XPR1: variants seen among roughly 807,000 people sequenced by gnomAD.
The protein encoded by XPR1 is solute carrier family 53 member 1.
In XPR1, 28 loss-of-function variants were observed where a neutral mutation model predicts 87.5. That is an observed-to-expected ratio of 0.32 (90% CI 0.24 to 0.44). The LOEUF (loss-of-function observed/expected upper bound fraction) is 0.44, where lower values mean the gene tolerates loss of function less well. Ranked by LOEUF, XPR1 falls within the 20% of genes least tolerant of loss-of-function variation. XPR1 has a pLI of 1.00. For missense variants in XPR1, 559 were observed against 862.3 expected (o/e 0.65, Z 4.41); for synonymous variants, 300 against 306.1 (o/e 0.98, Z 0.21).
At chr1:180,711,478 G>A (rs566956448) in intron 2 of XPR1, among the ~76,000 whole-genome samples, 19 of 152,316 alleles carry the variant, frequency 1.2e-4, no homozygotes, top group Admixed American at 5.9e-4. Context: ...GTCAGGCATC[G>A]CGGCGCGCGC....
intron 1 of XPR1, among the ~76,000 whole-genome samples, chr1:180,657,757 T>G (rs996618975): frequency 6.6e-6 from 1 of 152,208 alleles, no homozygotes; most frequent in Non-Finnish European, 1.5e-5. Flanking sequence ...TCAGGATTGC[T>G]TTGGCTATTC....
intron 7 of XPR1, among the ~76,000 whole-genome samples, chr1:180,822,524 G>T (rs924824938): frequency 1.3e-5 from 2 of 152,168 alleles, no homozygotes; most frequent in African/African-American, 4.8e-5. Context: ...CTGAAGATAG[G>T]TATTTTGTCC....
chr1:180,790,398 C>T (rs1649326991), intron 3 of XPR1, among the ~76,000 whole-genome samples: 1 of 152,076 alleles, frequency 6.6e-6, no homozygotes. Flanking sequence ...TTTATATCCT[C>T]CCCCTCATCT....
intron 11 of XPR1, among the ~76,000 whole-genome samples, chr1:180,839,220 T>C (rs2102173982): frequency 6.6e-6 from 1 of 152,284 alleles, no homozygotes; most frequent in African/African-American, 2.4e-5. Flanking sequence ...TTTTTAGTAA[T>C]GAAATTTTCT....
intron 9 of XPR1, among the ~76,000 whole-genome samples, chr1:180,831,908 A>T (rs530310037): frequency 1.3e-5 from 2 of 152,182 alleles, no homozygotes; most frequent in South Asian, 2.1e-4. Flanking sequence ...TTGGGTGTAT[A>T]CCCAGTAATG....
chr1:180,677,911 A>C (rs1656421725), intron 1 of XPR1, among the ~76,000 whole-genome samples: 1 of 152,136 alleles, frequency 6.6e-6, no homozygotes, highest in Non-Finnish European at 1.5e-5. Flanking sequence ...GTACTGTAAT[A>C]ATTTTCTCAG....
At chr1:180,704,455 T>C (rs1657482382) in intron 2 of XPR1, among the ~76,000 whole-genome samples, 1 of 151,280 alleles carries the variant, frequency 6.6e-6, no homozygotes, top group East Asian at 1.9e-4. Flanking sequence ...ACAGATTGTA[T>C]AGGAAAGATA....
intron 2 of XPR1, among the ~76,000 whole-genome samples, chr1:180,714,269 T>C (rs1657904642): frequency 6.6e-6 from 1 of 152,112 alleles, no homozygotes; most frequent in African/African-American, 2.4e-5. Context: ...TCTAGCATCA[T>C]CATTATCAGT....
chr1:180,849,631 A>G (rs191551774), intron 11 of XPR1, among the ~76,000 whole-genome samples: 6 of 152,330 alleles, frequency 3.9e-5, no homozygotes, highest in Admixed American at 2.0e-4. Context: ...TTTGAATACT[A>G]CTTCCTCCTA....
intron 9 of XPR1, among the ~76,000 whole-genome samples, chr1:180,825,775 G>A (rs1008038116): frequency 2.6e-5 from 4 of 152,202 alleles, no homozygotes; most frequent in African/African-American, 9.7e-5. Context: ...TTTGGGCTGG[G>A]CGCGGTGGCT....
At chr1:180,879,399 T>C (rs1489076163) in intron 13 of XPR1, among the ~76,000 whole-genome samples, 1 of 152,240 alleles carries the variant, frequency 6.6e-6, no homozygotes, top group African/African-American at 2.4e-5. Context: ...CTATGGGTTA[T>C]AAGGCCCTCT....
intron 2 of XPR1, among the ~76,000 whole-genome samples, chr1:180,732,824 G>C (rs938272976): frequency 6.6e-6 from 1 of 152,216 alleles, no homozygotes; most frequent in Non-Finnish European, 1.5e-5. Flanking sequence ...TTCTTACCTT[G>C]GTGTACAGGA....
intron 2 of XPR1, among the ~76,000 whole-genome samples, chr1:180,754,760 C>A (rs765564184): frequency 4.6e-5 from 7 of 152,108 alleles, no homozygotes; most frequent in Non-Finnish European, 7.4e-5. Flanking sequence ...TCGGGCCCGG[C>A]CTCCTTTCTT....
chr1:180,682,288 GT>G, intron 1 of XPR1, 71 bp from the exon 2 acceptor site: 1 of 1,256,830 alleles, frequency 8.0e-7, no homozygotes, highest in South Asian at 1.5e-5. Context: ...AAAAAGAACT[GT>G]TTAGCTTCAG....
chr1:180,747,259 G>A (rs1044066576), intron 2 of XPR1, among the ~76,000 whole-genome samples: 2 of 152,060 alleles, frequency 1.3e-5, no homozygotes, highest in African/African-American at 2.4e-5. Context: ...AGCTTCATAC[G>A]GTTATTGTAG....
intron 2 of XPR1, among the ~76,000 whole-genome samples, chr1:180,731,334 C>T (rs768165083): frequency 1.3e-5 from 2 of 152,120 alleles, no homozygotes; most frequent in Admixed American, 1.3e-4. Flanking sequence ...TCAGGTGCTG[C>T]GGCCGAGGGG....
chr1:180,862,584 A>G (rs1351342642), intron 11 of XPR1, among the ~76,000 whole-genome samples: 1 of 152,064 alleles, frequency 6.6e-6, no homozygotes, highest in Non-Finnish European at 1.5e-5. Context: ...CTTTGTTTAT[A>G]CTTCATTTTG....
At chr1:180,665,428 A>G (rs1291717647) in intron 1 of XPR1, among the ~76,000 whole-genome samples, 1 of 152,168 alleles carries the variant, frequency 6.6e-6, no homozygotes, top group Non-Finnish European at 1.5e-5. Flanking sequence ...GCCAAAGACC[A>G]TTACTGGTCC....
In XPR1 at chr1:180,887,995, T is replaced by C. The variant is rs985888503; in HGVS notation, c.*3929T>C. On this transcript the variant is annotated 3_prime_UTR_variant, in exon 15 of 15. Coordinates refer to ENST00000367590, the MANE Select transcript of XPR1 (RefSeq NM_004736.4). ...TTCATTGAAGATAAGTGAAATAACT[T>C]TGGAGATAGCAGAGAAGAGCAAGAA... is the stretch of plus-strand genomic sequence containing the variant. 2 of 152,140 alleles carry C rather than the reference T, an allele frequency of 1.3e-5. No homozygotes were observed. Among genetic ancestry groups the C allele is most frequent in the African/African-American group, 2.4e-5 (1 of 41,412 alleles). 9.4% of individuals were successfully genotyped at this position (152,140 alleles called of 1,614,324 possible).
Sources: allele counts gnomAD v4.1 joint callset (sites outside exome capture counted in the v4.1 genomes callset), GRCh38; gene constraint gnomAD v4.1.1; transcripts MANE v1.5; gene names NCBI Gene and HGNC (gene_info 2026-07-23, HGNC 2026-07-21).